The following ARHGAP30 variants were observed in gnomAD, a reference collection of about 807,000 sequenced individuals.
ARHGAP30 encodes the protein Rho GTPase activating protein 30, also known as rho GTPase-activating protein 30.
A neutral mutation model predicts 72.0 loss-of-function variants in ARHGAP30; 23 were observed. The observed-to-expected ratio is 0.32, with a 90% confidence interval of 0.23 to 0.45. The LOEUF (loss-of-function observed/expected upper bound fraction) is 0.45, where lower values mean the gene tolerates loss of function less well. Among genes scored for constraint, ARHGAP30 ranks in the 20% least tolerant of loss-of-function variants. The pLI, the probability that ARHGAP30 is intolerant of heterozygous loss-of-function variation, is 1.00. For synonymous variants in ARHGAP30, 576 were observed against 528.2 expected (o/e 1.09, Z -1.24); for missense variants, 1,319 against 1,383.4 (o/e 0.95, Z 0.74).
At chr1:161,058,860 C>CA (rs771979327) in intron 2 of ARHGAP30, among the ~76,000 whole-genome samples, 58,381 of 113,580 alleles carry the variant, frequency 0.51, 13,992 homozygotes, top group African/African-American at 0.6. Context: ...GACTCTATCT[C>CA]AAAAAAAAAA....
chr1:161,051,669 C>T lies in ARHGAP30; in HGVS notation c.1065G>A (p.Leu355=), dbSNP rs780161873. ...AATCGTTCTCCAAGCTCTCAGGCAG[C>T]AATGGGCTTGGCCGGGGGCTGCTGG... ...VGPSSPRPSP[L]LPESLENDSI... The change falls in exon 10 of 12, where the codon TTG becomes TTA. Residue 355 remains leucine, a synonymous_variant. Coordinates refer to ENST00000368013, the MANE Select transcript of ARHGAP30 (RefSeq NM_001025598.2). 11 of 1,612,560 alleles carry T rather than the reference C, an allele frequency of 6.8e-6. No individual in the cohort carries two copies. The South Asian group carries it at 1.1e-4, about 16-fold the overall frequency.
At chr1:161,050,168 T>TA (rs929103371) in intron 10 of ARHGAP30, among the ~76,000 whole-genome samples, 3 of 152,158 alleles carry the variant, frequency 2.0e-5, no homozygotes, top group African/African-American at 7.2e-5. Context: ...TACTTCTACC[T>TA]AAATCAATTG....
In ARHGAP30 at chr1:161,047,626, T is replaced by C; in HGVS notation, c.*89A>G. The C allele has an allele frequency of 7.2e-7, 1 of 1,395,966 alleles. No homozygotes were observed. Among genetic ancestry groups the C allele is most frequent in the Non-Finnish European group, 9.6e-7 (1 of 1,044,856 alleles). The allele number at this position is 1,395,966 out of a possible 1,614,324, so 86.5% of individuals were successfully genotyped here. ...AGCCTATAGAGTTGGGCACTACAGC[T>C]GCTCATGCTGCAGAGGAGACAGCTA... On this transcript the variant is annotated 3_prime_UTR_variant, in exon 12 of 12. Transcript: ENST00000368013.
chr1:161,054,757 G>A (rs752859469), intron 3 of ARHGAP30, 52 bp from the exon 4 acceptor site: 4 of 1,520,038 alleles, frequency 2.6e-6, no homozygotes, highest in African/African-American at 1.4e-5. Flanking sequence ...CAATGCCCCT[G>A]CTTACTCCCC....
intron 2 of ARHGAP30, among the ~76,000 whole-genome samples, chr1:161,057,711 G>A (rs564323879): frequency 1.3e-5 from 2 of 152,206 alleles, no homozygotes; most frequent in South Asian, 4.2e-4. Flanking sequence ...CATTTACAGG[G>A]ATGGCTATAA....
chr1:161,056,107 A>G (rs562991449), intron 3 of ARHGAP30, among the ~76,000 whole-genome samples: 7 of 151,810 alleles, frequency 4.6e-5, no homozygotes, highest in South Asian at 2.1e-4. Context: ...TCTGACCTCT[A>G]CCTCCCCAAG....
chr1:161,066,634 G>T, intron 1 of ARHGAP30, among the ~76,000 whole-genome samples: 1 of 94,274 alleles, frequency 1.1e-5, no homozygotes, highest in Non-Finnish European at 1.9e-5. Context: ...GACAGAGCAA[G>T]ACTGCATCTC....
chr1:161,049,171 C>G lies in ARHGAP30; in HGVS notation c.1850G>C (p.Ser617Thr). The G allele has an allele frequency of 6.2e-7, 1 of 1,614,180 alleles. No individual in the cohort carries two copies. The highest frequency in any genetic ancestry group is 1.1e-5 in the South Asian group (1 of 91,078). ...EVFLSAYDDL[S>T]PLLGPKPPIW... The stretch of plus-strand genomic sequence containing the variant: ...TGGGGGTTTAGGTCCCAGAAGGGGA[C>G]TTAGGTCATCATAGGCACTCAGGAA... Residue 617 changes from serine to threonine, a missense_variant, in exon 12 of 12, where the codon AGT (serine) becomes ACT (threonine). Physicochemically the swap from Ser to Thr is moderately conservative, Grantham distance 58 (BLOSUM62 1). Around this residue, in one of 2 missense-constraint regions of ARHGAP30, gnomAD observed 1,097 missense variants for 1,045.2 expected, o/e 1.05. Transcript: ENST00000368013.
chr1:161,056,801 G>A (rs1651909671), intron 2 of ARHGAP30, among the ~76,000 whole-genome samples: 1 of 152,216 alleles, frequency 6.6e-6, no homozygotes, highest in African/African-American at 2.4e-5. Context: ...GTAGATATGT[G>A]TAGCAGTACA....
intron 2 of ARHGAP30, among the ~76,000 whole-genome samples, chr1:161,057,328 A>T (rs927719950): frequency 2.6e-5 from 4 of 152,140 alleles, no homozygotes; most frequent in African/African-American, 9.7e-5. Flanking sequence ...TAAACAAATA[A>T]GCCAAATTTT....
In ARHGAP30 at chr1:161,047,580, A is replaced by T; in HGVS notation, c.*135T>A. On this transcript the variant is annotated 3_prime_UTR_variant, in exon 12 of 12. Coordinates refer to ENST00000368013, the MANE Select transcript of ARHGAP30 (RefSeq NM_001025598.2). ...CCAAGGCAGTGCCTCCCACAGTCAA[A>T]GAGAGAAGCTGGAGGGCCAAAGCCT... 1.1e-6 allele frequency: 1 copy of T among 943,968 alleles called. No homozygotes were observed. 58.5% of individuals were successfully genotyped at this position (943,968 alleles called of 1,614,324 possible). A position where few individuals can be genotyped will look rare whatever the true frequency, so the allele number is the denominator to read the frequency against.
At chr1:161,061,447 C>CCAGATAATTTTTGTATTTT (rs1170798581) in intron 1 of ARHGAP30, among the ~76,000 whole-genome samples, 3 of 150,552 alleles carry the variant, frequency 2.0e-5, no homozygotes, top group African/African-American at 7.3e-5. Flanking sequence ...GCCACCGCGC[C>CCAGATAATTTTTGTATTTT]TGACCTGCTT....
At chr1:161,058,583 C>T (rs1218940203) in intron 2 of ARHGAP30, among the ~76,000 whole-genome samples, 4 of 145,478 alleles carry the variant, frequency 2.7e-5, no homozygotes, top group Admixed American at 7.0e-5. Context: ...GCCAAGATCA[C>T]GACACTGCAC....
chr1:161,049,584 G>GCCTT lies in ARHGAP30; in HGVS notation c.1525_1526insAAGG (p.Ser509Ter). 6.2e-7 allele frequency: 1 copy of GCCTT among 1,614,110 alleles called. No homozygotes were observed. The highest frequency in any genetic ancestry group is 8.5e-7 in the Non-Finnish European group (1 of 1,180,010). ...GCTTGAGTCCTCTAGGAAGGAGAAGGAGTCCTGCACCTCCTGGGACAGCGA... is the reference window on the plus strand; with the variant it reads ...GCTTGAGTCCTCTAGGAAGGAGAAGGCCTTAGTCCTGCACCTCCTGGGACAGCGA... On this transcript the variant is annotated stop_gained and frameshift_variant, in exon 11 of 12. Transcript: ENST00000368013. LOFTEE classifies it high-confidence loss of function.
At position 161,069,373 on chromosome 1, in the gene ARHGAP30, G is replaced by A. The variant is rs1653000724; in HGVS notation, c.97+155C>T. On this transcript the variant is annotated intron_variant, in intron 1 of 11. Transcript: ENST00000368013. The surrounding 1 kb of genome is among the most constrained non-coding windows in gnomAD (Gnocchi z 4.9). Reference sequence around the variant, plus strand: ...CCTTCTTCACTGAGCCACATTTCCTGTCTTGCCCACTTACAGTTCTCTTGA... The same window carrying A: ...CCTTCTTCACTGAGCCACATTTCCTATCTTGCCCACTTACAGTTCTCTTGA... 6.6e-6 allele frequency among the ~76,000 whole-genome samples: 1 copy of A among 152,102 alleles called. No homozygotes were observed. The highest frequency in any genetic ancestry group is 2.4e-5 in the African/African-American group (1 of 41,416).
intron 1 of ARHGAP30, among the ~76,000 whole-genome samples, chr1:161,063,169 T>C (rs1252761272): frequency 6.6e-6 from 1 of 152,204 alleles, no homozygotes; most frequent in Non-Finnish European, 1.5e-5. Flanking sequence ...TTATTTTGTA[T>C]TGATACCTCC....
Position 161,052,474 on chromosome 1 carries a change from A to C in ARHGAP30, c.906T>G (p.Thr302=), listed in dbSNP as rs1256864104. Residue 302 remains threonine, a synonymous_variant, in exon 8 of 12, where the codon ACT becomes ACG. Transcript: ENST00000368013. ...IFNLGRSGHE[T]KRKLPRGAED... ...CAGCCCCCCGTGGAAGTTTACGCTT[A>C]GTCTCATGGCCAGAGCGACCTAAAT... 1 of 1,613,332 alleles carries C rather than the reference A, an allele frequency of 6.2e-7. No individual in the cohort carries two copies. The highest frequency in any genetic ancestry group is 2.2e-5 in the East Asian group (1 of 44,834).
intron 1 of ARHGAP30, among the ~76,000 whole-genome samples, chr1:161,067,135 G>A (rs1362261623): frequency 6.6e-6 from 1 of 152,100 alleles, no homozygotes; most frequent in Non-Finnish European, 1.5e-5. Flanking sequence ...GGGGGAGTTA[G>A]GGAGATAGAG....
At position 161,051,339 on chromosome 1, in the gene ARHGAP30, G is replaced by A. The variant is rs986426807; in HGVS notation, c.1395C>T (p.Gly465=). The A allele has an allele frequency of 6.2e-7, 1 of 1,608,650 alleles. No individual in the cohort carries two copies. The highest frequency in any genetic ancestry group is 8.5e-7 in the Non-Finnish European group (1 of 1,177,162). ...RPSPASGPGP[G]PGLGPGPPDE... ...CTGGGGGGCCAGGGCCAAGGCCAGG[G>A]CCAGGGCCAGGGCCAGAGGCAGGGC... is the stretch of plus-strand genomic sequence containing the variant. Residue 465 remains glycine (G), a synonymous_variant, in exon 10 of 12, where the codon GGC becomes GGT. Coordinates refer to ENST00000368013, the MANE Select transcript of ARHGAP30 (RefSeq NM_001025598.2).
Sources: gnomAD v4.1 joint callset for allele counts (sites outside exome capture counted in the v4.1 genomes callset) on GRCh38, gnomAD v4.1.1 for gene constraint, gnomAD v4.1.1 regional missense constraint, Gnocchi (gnomAD v3.1) non-coding constraint, MANE v1.5 for transcripts, NCBI Gene and HGNC (gene_info 2026-07-23, HGNC 2026-07-21) for gene names.